Variants in LMLN observed in about 807,000 individuals in gnomAD.
LMLN encodes the protein leishmanolysin-like peptidase.
A neutral mutation model predicts 92.3 loss-of-function variants in LMLN; 70 were observed. The ratio of observed to expected loss-of-function variants is 0.76; its 90% CI spans 0.63 to 0.92. The LOEUF is 0.92. LMLN is among the 40% of genes least tolerant of loss of function. The probability of loss-of-function intolerance (pLI) is 0.00; values close to 1 mark genes in which losing one functional copy is unlikely to be tolerated. For missense variants in LMLN, 691 were observed against 814.6 expected (o/e 0.85, Z 1.85); for synonymous variants, 308 against 296.2 (o/e 1.04, Z -0.41).
At chr3:197,985,211 G>A (rs1038909014) in intron 7 of LMLN, among the ~76,000 whole-genome samples, 1 of 151,988 alleles carries the variant, frequency 6.6e-6, no homozygotes, top group Non-Finnish European at 1.5e-5. Context: ...TTTCAGCTCT[G>A]GTCCAGCTCT....
At chr3:197,996,253 C>T (rs1359572730) in exon 10 of LMLN, 1 of 1,601,262 alleles carries the variant, frequency 6.2e-7, no homozygotes, top group Admixed American at 1.7e-5. Flanking sequence ...GGGCACTGAG[C>T]TCAACCATTG....
chr3:197,979,538 C>T (rs369164227), intron 5 of LMLN, among the ~76,000 whole-genome samples: 160 of 152,214 alleles, frequency 1.1e-3, no homozygotes, highest in South Asian at 2.3e-3. Flanking sequence ...AATTTTTAGG[C>T]TGGGTGCAGT....
chr3:198,003,064 G>T (rs777575144), intron 11 of LMLN: 1 of 1,551,624 alleles, frequency 6.4e-7, no homozygotes, highest in South Asian at 1.2e-5. Flanking sequence ...CTGGGGCCGA[G>T]GAATGGGCTG....
intron 15 of LMLN, among the ~76,000 whole-genome samples, chr3:198,037,253 A>G (rs971842430): frequency 6.6e-6 from 1 of 152,240 alleles, no homozygotes; most frequent in Non-Finnish European, 1.5e-5. Flanking sequence ...GTTCCCAGCC[A>G]CCAGCAAAGG....
exon 6 of LMLN, chr3:197,980,419 G>T: frequency 6.2e-7 from 1 of 1,611,598 alleles, no homozygotes; most frequent in Non-Finnish European, 8.5e-7. Flanking sequence ...TGTTCTTTAC[G>T]TTGGTGCTCT....
At chr3:198,013,140 GC>G (rs1412011021) in intron 11 of LMLN, among the ~76,000 whole-genome samples, 2 of 123,602 alleles carry the variant, frequency 1.6e-5, no homozygotes, top group African/African-American at 7.4e-5. Flanking sequence ...ACCCCTCAGA[GC>G]CCCCTAACTA....
chr3:197,996,050 A>G, intron 9 of LMLN, 125 bp from the exon 10 acceptor site: 1 of 448,170 alleles, frequency 2.2e-6, no homozygotes. Context: ...TTAAAAAGAA[A>G]TTCTCCTTTC....
At chr3:198,021,471 C>T in exon 13 of LMLN, 1 of 1,614,082 alleles carries the variant, frequency 6.2e-7, no homozygotes, top group Non-Finnish European at 8.5e-7. Context: ...AGTGGAATAC[C>T]TGCAGAAGAT....
chr3:198,035,594 C>A (rs1723197689), intron 14 of LMLN, among the ~76,000 whole-genome samples: 1 of 151,974 alleles, frequency 6.6e-6, no homozygotes, highest in Admixed American at 6.6e-5. Flanking sequence ...ATCTCTTGAC[C>A]TCATGATCTG....
intron 3 of LMLN, 76 bp from the exon 4 acceptor site, chr3:197,975,953 C>CT: frequency 1.2e-6 from 1 of 865,262 alleles, no homozygotes; most frequent in Non-Finnish European, 1.8e-6. Context: ...CATTACTATC[C>CT]TGTGTTTGCT....
intron 14 of LMLN, among the ~76,000 whole-genome samples, chr3:198,027,180 C>T (rs1722955402): frequency 6.6e-6 from 1 of 152,100 alleles, no homozygotes; most frequent in Admixed American, 6.5e-5. Flanking sequence ...TATCCACATC[C>T]CGTCCACTTT....
Position 197,981,195 on chromosome 3 carries a change from A to C in LMLN, c.728+691A>C, listed in dbSNP as rs187687335. 9.9e-5 allele frequency among the ~76,000 whole-genome samples: 15 copies of C among 151,006 alleles called. No individual in the cohort carries two copies. In the East Asian group the frequency reaches 1.6e-3, roughly 16 times the overall value. On this transcript the variant is annotated intron_variant, in intron 6 of 15. Transcript: ENST00000330198. ...GGCTGAGGCGGGTGGATCATGGTGA[A>C]ACTCTGTCTCTACAAAAAATGCAAA...
In LMLN at chr3:197,985,390, TACACACAC is replaced by T. The variant is rs142039210; in HGVS notation, c.835-376_835-369del. ...AGACTTTCAAAACCATTTCATAATGTACACACACACACACACACACACACACACACACA... is the reference window on the plus strand; with the variant it reads ...AGACTTTCAAAACCATTTCATAATGTACACACACACACACACACACACACA... On this transcript the variant is annotated intron_variant, in intron 7 of 15. Coordinates refer to ENST00000330198, the Ensembl canonical transcript of LMLN. 1.9e-3 allele frequency among the ~76,000 whole-genome samples: 268 copies of T among 142,478 alleles called. 2 individuals are homozygous for T. Among genetic ancestry groups the T allele is most frequent in the African/African-American group, 6.5e-3 (252 of 38,498 alleles). The allele number at this position is 142,478 out of a possible 152,430, so 93.5% of individuals were successfully genotyped here. A position where few individuals can be genotyped will look rare whatever the true frequency, so the allele number is the denominator to read the frequency against.
chr3:197,995,388 A>G lies in LMLN; in HGVS notation c.1048-787A>G, dbSNP rs192955829. Reference sequence around the variant, plus strand: ...GACTGAACAGGAAGTTGACGCCACTAACACAATGGAATACTATTCAGCCTT... The same window carrying G: ...GACTGAACAGGAAGTTGACGCCACTGACACAATGGAATACTATTCAGCCTT... On this transcript the variant is annotated intron_variant, in intron 9 of 15. Coordinates refer to ENST00000330198, the Ensembl canonical transcript of LMLN. Among the ~76,000 whole-genome samples, 225 of 152,316 alleles carry G rather than the reference A, an allele frequency of 1.5e-3. 3 individuals are homozygous for G. In the Middle Eastern group the frequency reaches 0.02, roughly 14 times the overall value.
At chr3:197,962,705 T>G (rs1271507136) in intron 1 of LMLN, among the ~76,000 whole-genome samples, 1 of 152,162 alleles carries the variant, frequency 6.6e-6, no homozygotes, top group African/African-American at 2.4e-5. Context: ...GCCTTCACTT[T>G]TAGGATTATG....
intron 11 of LMLN, among the ~76,000 whole-genome samples, chr3:198,008,134 A>G (rs990607976): frequency 4.6e-5 from 7 of 152,066 alleles, no homozygotes; most frequent in African/African-American, 1.7e-4. Flanking sequence ...TCTATGTACT[A>G]TTATTTTGTT....
chr3:197,992,938 G>A (rs1721916744), intron 9 of LMLN, among the ~76,000 whole-genome samples: 1 of 152,112 alleles, frequency 6.6e-6, no homozygotes, highest in Non-Finnish European at 1.5e-5. Flanking sequence ...CATCCATCAT[G>A]ATCAAGTGAG....
intron 1 of LMLN, among the ~76,000 whole-genome samples, chr3:197,968,653 G>T (rs1390496947): frequency 1.3e-5 from 2 of 152,120 alleles, no homozygotes; most frequent in African/African-American, 4.8e-5. Context: ...CCTCCAGCCG[G>T]TCCCTCCGTT....
At chr3:198,013,030 T>C (rs1230747517) in intron 11 of LMLN, among the ~76,000 whole-genome samples, 62 of 64,120 alleles carry the variant, frequency 9.7e-4, no homozygotes, top group African/African-American at 2.0e-3. Context: ...CCCTTCAGAG[T>C]CCCCTAACTA....
Sources: gnomAD v4.1 joint callset for allele counts (sites outside exome capture counted in the v4.1 genomes callset) on GRCh38, gnomAD v4.1.1 for gene constraint, MANE v1.5 for transcripts, NCBI Gene and HGNC (gene_info 2026-07-23, HGNC 2026-07-21) for gene names.